The following TRPS1 variants were observed in gnomAD, a reference collection of about 807,000 sequenced individuals.
TRPS1 encodes the protein transcriptional repressor GATA binding 1.
A neutral mutation model predicts 101.2 loss-of-function variants in TRPS1; 6 were observed. The ratio of observed to expected loss-of-function variants is 0.06; its 90% CI spans 0.03 to 0.12. The LOEUF is 0.12. Ranked by LOEUF, TRPS1 falls within the 10% of genes least tolerant of loss-of-function variation. The pLI is 1.00. For synonymous variants in TRPS1, 578 were observed against 589.8 expected (o/e 0.98, Z 0.29); for missense variants, 1,363 against 1,567.0 (o/e 0.87, Z 2.20).
intron 4 of TRPS1, among the ~76,000 whole-genome samples, chr8:115,596,415 T>C (rs1743398208): frequency 6.6e-6 from 1 of 151,922 alleles, no homozygotes; most frequent in Non-Finnish European, 1.5e-5. Context: ...GTACACTGTA[T>C]GTTAGTGACA....
Position 115,414,474 on chromosome 8 carries a change from G to A in TRPS1, c.3434C>T (p.Pro1145Leu). ...GTTTTGGCAAGGATTTGGTAGGCCAGGCACGTGACTCAAGTAGTGCGGATT... is the reference window on the plus strand; with the variant it reads ...GTTTTGGCAAGGATTTGGTAGGCCAAGCACGTGACTCAAGTAGTGCGGATT... ...PGNPHYLSHV[P>L]GLPNPCQNYV... The change falls in exon 7 of 7, where the codon CCT (proline) becomes CTT (leucine). Residue 1145 changes from proline to leucine, a missense_variant. Transcript: ENST00000395715. The surrounding 1 kb of genome is among the most constrained non-coding windows in gnomAD (Gnocchi z 4.8). The A allele has an allele frequency of 6.2e-7, 1 of 1,613,918 alleles. No individual in the cohort carries two copies. Among genetic ancestry groups the A allele is most frequent in the Non-Finnish European group, 8.5e-7 (1 of 1,179,962 alleles).
chr8:115,516,230 C>T (rs1815707729), intron 5 of TRPS1, among the ~76,000 whole-genome samples: 1 of 150,648 alleles, frequency 6.6e-6, no homozygotes, highest in African/African-American at 2.4e-5. Flanking sequence ...TAAATCTTGC[C>T]ATAGGTACTG....
chr8:115,487,225 T>A (rs1165594616), intron 5 of TRPS1, among the ~76,000 whole-genome samples: 2 of 151,944 alleles, frequency 1.3e-5, no homozygotes, highest in African/African-American at 4.8e-5. Flanking sequence ...TTACTGAATA[T>A]TTGAAGCCCA....
At chr8:115,439,601 A>AT (rs1198166213) in intron 5 of TRPS1, among the ~76,000 whole-genome samples, 1 of 152,226 alleles carries the variant, frequency 6.6e-6, no homozygotes, top group Non-Finnish European at 1.5e-5. Context: ...CACAGGGGAC[A>AT]TTTTGTACCC....
At position 115,587,347 on chromosome 8, in the gene TRPS1, T is replaced by C; in HGVS notation, c.2354A>G (p.Glu785Gly). ...ESVVKREKLE[E>G]KDGLKEKVWT... Reference sequence around the variant, plus strand: ...AACTTTCTCTTTGAGCCCGTCCTTCTCTTCCAGCTTCTCTCTCTTCACCAC... The same window carrying C: ...AACTTTCTCTTTGAGCCCGTCCTTCCCTTCCAGCTTCTCTCTCTTCACCAC... The change falls in exon 5 of 7, where the codon GAG (glutamate) becomes GGG (glycine). Residue 785 changes from glutamate to glycine, a missense_variant. Physicochemically the swap from Glu to Gly is moderately conservative, Grantham distance 98. Around this residue, in one of 5 missense-constraint regions of TRPS1, gnomAD observed 1,020 missense variants for 1,073.0 expected, o/e 0.95. Coordinates refer to ENST00000395715, the MANE Select transcript of TRPS1 (RefSeq NM_014112.5). 1 of 1,614,228 alleles carries C rather than the reference T, an allele frequency of 6.2e-7. No homozygotes were observed. Among genetic ancestry groups the C allele is most frequent in the Non-Finnish European group, 8.5e-7 (1 of 1,180,026 alleles).
Position 115,412,133 on chromosome 8 carries a change from T to C in TRPS1, c.*1890A>G, listed in dbSNP as rs1005553072. 6.6e-6 allele frequency: 1 copy of C among 152,148 alleles called. No individual in the cohort carries two copies. Among genetic ancestry groups the C allele is most frequent in the Non-Finnish European group, 1.5e-5 (1 of 67,912 alleles). 9.4% of individuals were successfully genotyped at this position (152,148 alleles called of 1,614,324 possible). A position where few individuals can be genotyped will look rare whatever the true frequency, so the allele number is the denominator to read the frequency against. ...GACAAAGCAATAAAAAGAGGATATATGTTTATCATCTTAAGCATAACAATG... is the reference window on the plus strand; with the variant it reads ...GACAAAGCAATAAAAAGAGGATATACGTTTATCATCTTAAGCATAACAATG... On this transcript the variant is annotated 3_prime_UTR_variant, in exon 7 of 7. Transcript: ENST00000395715.
chr8:115,523,347 A>G (rs1815914708), intron 5 of TRPS1, among the ~76,000 whole-genome samples: 1 of 152,140 alleles, frequency 6.6e-6, no homozygotes, highest in Admixed American at 6.6e-5. Context: ...AATATGCACC[A>G]TGGTAAGACT....
intron 1 of TRPS1, among the ~76,000 whole-genome samples, chr8:115,636,657 T>C (rs1391484806): frequency 6.6e-6 from 1 of 152,230 alleles, no homozygotes; most frequent in Non-Finnish European, 1.5e-5. Context: ...CTCACGCCTT[T>C]AACCCCAACA....
chr8:115,451,973 C>T (rs79511949), intron 5 of TRPS1, among the ~76,000 whole-genome samples: 1 of 152,126 alleles, frequency 6.6e-6, no homozygotes, highest in African/African-American at 2.4e-5. Context: ...CCCCAACCCC[C>T]ACTTCTAAAA....
At chr8:115,451,768 G>T (rs1209123477) in intron 5 of TRPS1, among the ~76,000 whole-genome samples, 1 of 152,178 alleles carries the variant, frequency 6.6e-6, no homozygotes, top group Non-Finnish European at 1.5e-5. Flanking sequence ...ATTTTGTTAT[G>T]ATGTATAGGC....
At chr8:115,472,111 G>C (rs1260548077) in intron 5 of TRPS1, among the ~76,000 whole-genome samples, 1 of 152,196 alleles carries the variant, frequency 6.6e-6, no homozygotes, top group Non-Finnish European at 1.5e-5. Flanking sequence ...CTTTGTGGGG[G>C]GGCTCCTACC....
chr8:115,610,894 A>G (rs1261809923), intron 3 of TRPS1, among the ~76,000 whole-genome samples: 1 of 152,150 alleles, frequency 6.6e-6, no homozygotes, highest in Non-Finnish European at 1.5e-5. Flanking sequence ...AGGCGGGCGG[A>G]TCACCTGAGA....
intron 5 of TRPS1, among the ~76,000 whole-genome samples, chr8:115,431,549 T>G (rs1813319687): frequency 6.6e-6 from 1 of 151,994 alleles, no homozygotes; most frequent in Admixed American, 6.6e-5. Flanking sequence ...ATAACTCTGG[T>G]GGTGACTTCC....
chr8:115,661,350 T>C (rs1263914711), intron 1 of TRPS1, among the ~76,000 whole-genome samples: 1 of 152,024 alleles, frequency 6.6e-6, no homozygotes, highest in African/African-American at 2.4e-5. Flanking sequence ...CATTCTAAAT[T>C]CCACCATCAA....
chr8:115,610,083 A>T (rs2130507674), intron 3 of TRPS1, among the ~76,000 whole-genome samples: 1 of 152,324 alleles, frequency 6.6e-6, no homozygotes, highest in East Asian at 1.9e-4. Context: ...CGCAGCAAAG[A>T]AAGAGTTGTT....
At chr8:115,527,630 G>A (rs921142018) in intron 5 of TRPS1, among the ~76,000 whole-genome samples, 1 of 151,998 alleles carries the variant, frequency 6.6e-6, no homozygotes, top group Non-Finnish European at 1.5e-5. Flanking sequence ...AACTGAAACT[G>A]TGAGGTAAAG....
In TRPS1 at chr8:115,604,475, A is replaced by T; in HGVS notation, c.1494T>A (p.Asp498Glu). ...TCTCTCCTTCTGAACTTTTGGCTAG[A>T]TCATTCTGATTAATGACAGAGCCCC... is the stretch of plus-strand genomic sequence containing the variant. ...LSRGSVINQN[D>E]LAKSSEGETM... Residue 498 changes from aspartate to glutamate, a missense_variant, in exon 4 of 7, where the codon GAT becomes GAA. Asp to Glu is a conservative substitution (Grantham distance 45, BLOSUM62 2). Coordinates refer to ENST00000395715, the MANE Select transcript of TRPS1 (RefSeq NM_014112.5). This position sits in a 1 kb window ranked among gnomAD's most constrained non-coding sequence, Gnocchi z 4.1. The T allele has an allele frequency of 6.2e-7, 1 of 1,614,026 alleles. No individual in the cohort carries two copies. Among genetic ancestry groups the T allele is most frequent in the Non-Finnish European group, 8.5e-7 (1 of 1,179,986 alleles).
At chr8:115,657,946 C>T (rs1486740108) in intron 1 of TRPS1, among the ~76,000 whole-genome samples, 2 of 151,960 alleles carry the variant, frequency 1.3e-5, no homozygotes, top group Admixed American at 6.6e-5. Context: ...GCAGCTTACA[C>T]ATTTTTCCAC....
At position 115,418,932 on chromosome 8, in the gene TRPS1, C is replaced by T. The variant is rs1045709451; in HGVS notation, c.2701-480G>A. On this transcript the variant is annotated intron_variant, in intron 5 of 6. Transcript: ENST00000395715. This position sits in a 1 kb window ranked among gnomAD's most constrained non-coding sequence, Gnocchi z 4.3. The stretch of plus-strand genomic sequence containing the variant: ...GTGTTTTTGTATGTCATTCATGTAA[C>T]GTAAGTATTACGAGAATATAAGACA... Among the ~76,000 whole-genome samples the T allele has an allele frequency of 2.6e-5, 4 of 152,096 alleles. No individual in the cohort carries two copies. Among genetic ancestry groups the T allele is most frequent in the African/African-American group, 7.2e-5 (3 of 41,420 alleles).
Sources: gnomAD v4.1 joint callset for allele counts (sites outside exome capture counted in the v4.1 genomes callset) on GRCh38, gnomAD v4.1.1 for gene constraint, gnomAD v4.1.1 regional missense constraint, Gnocchi (gnomAD v3.1) non-coding constraint, MANE v1.5 for transcripts, NCBI Gene and HGNC (gene_info 2026-07-23, HGNC 2026-07-21) for gene names.